The following BRD4 variants were observed in gnomAD, a reference collection of about 807,000 sequenced individuals.
BRD4 encodes bromodomain-containing protein 4.
A neutral mutation model predicts 142.1 loss-of-function variants in BRD4; 16 were observed. The ratio of observed to expected loss-of-function variants is 0.11; its 90% confidence interval spans 0.08 to 0.17. The LOEUF (loss-of-function observed/expected upper bound fraction) is 0.17, where lower values mean the gene tolerates loss of function less well. BRD4 is among the 10% of genes least tolerant of loss of function. The probability of loss-of-function intolerance (pLI) is 1.00; values close to 1 mark genes in which losing one functional copy is unlikely to be tolerated. For missense variants in BRD4, 1,424 were observed against 1,810.9 expected, an observed-to-expected ratio of 0.79 and a Z score of 3.88; for synonymous variants, 833 against 707.5, an observed-to-expected ratio of 1.18 and a Z score of -2.82.
intron 1 of BRD4, among the ~76,000 whole-genome samples, chr19:15,330,628 G>C (rs747283307): frequency 6.6e-6 from 1 of 152,080 alleles, no homozygotes; most frequent in South Asian, 2.1e-4. Context: ...TTAGCTAGAT[G>C]TGGTGGCGGG....
Position 15,243,286 on chromosome 19 carries a change from A to G in BRD4, c.2783T>C (p.Met928Thr). The part of the protein sequence containing the change: ...PPAPPLTSMQ[M>T]QLYLQQLQKV... ...CTGCAGCTGCTGCAGGTACAGCTGC[A>G]TCTGCATGGAGGTGAGGGGTGGGGC... The change falls in exon 14 of 20, where the codon ATG becomes ACG. Residue 928 changes from methionine (M) to threonine (T), a missense_variant. Physicochemically the swap from Met to Thr is moderately conservative, Grantham distance 81 (BLOSUM62 -1). Transcript: ENST00000679869. The G allele has an allele frequency of 7.3e-7, 1 of 1,362,904 alleles. No individual in the cohort carries two copies. The allele number at this position is 1,362,904 out of a possible 1,614,324, so 84.4% of individuals were successfully genotyped here.
intron 1 of BRD4, among the ~76,000 whole-genome samples, chr19:15,276,069 C>T (rs1215498091): frequency 1.3e-5 from 2 of 152,180 alleles, no homozygotes; most frequent in Non-Finnish European, 2.9e-5. Context: ...ATACCTGGGA[C>T]TCCTGCACCC....
chr19:15,245,739 C>T (rs1275833629), intron 11 of BRD4, among the ~76,000 whole-genome samples: 6 of 152,210 alleles, frequency 3.9e-5, no homozygotes, highest in Non-Finnish European at 8.8e-5. Context: ...AGGTCACAGT[C>T]GCCTGCCACC....
In BRD4 at chr19:15,255,331, G is replaced by A; in HGVS notation, c.2013C>T (p.Val671=). Residue 671 remains valine (V), a synonymous_variant, in exon 10 of 20, where the codon GTC becomes GTT. Transcript: ENST00000679869. ...TCCTTTTCTTCCGCAAACAGGAGGT[G>A]ACATAGCGCTCCAGCTCACGCAGTG... ...PSTLRELERY[V]TSCLRKKRKP... 6.2e-7 allele frequency: 1 copy of A among 1,614,004 alleles called. No individual in the cohort carries two copies. Among genetic ancestry groups the A allele is most frequent in the South Asian group, 1.1e-5 (1 of 91,072 alleles).
chr19:15,239,640 G>C lies in BRD4; in HGVS notation c.3445+19C>G. On this transcript the variant is annotated intron_variant, in intron 16 of 19. Transcript: ENST00000679869. This position sits in a 1 kb window ranked among gnomAD's most constrained non-coding sequence, Gnocchi z 7.4. ...CTCGGGGGGCCTGAGCCCTGGCTGT[G>C]GGCAGGGAGAGCACTCACGCTGGGG... is the stretch of plus-strand genomic sequence containing the variant. The C allele has an allele frequency of 6.4e-7, 1 of 1,565,904 alleles. No individual in the cohort carries two copies. The highest frequency in any genetic ancestry group is 8.6e-7 in the Non-Finnish European group (1 of 1,164,938).
chr19:15,301,874 A>G (rs1477783407), intron 1 of BRD4, among the ~76,000 whole-genome samples: 3 of 144,326 alleles, frequency 2.1e-5, no homozygotes, highest in African/African-American at 2.5e-5. Flanking sequence ...AGAAAAAAAA[A>G]AAAAAAAAAA....
chr19:15,242,104 G>A (rs1421106372), intron 14 of BRD4, among the ~76,000 whole-genome samples: 1 of 152,190 alleles, frequency 6.6e-6, no homozygotes, highest in East Asian at 1.9e-4. Context: ...GTGAGCCACC[G>A]CGCCCGGCCT....
rs772582937 is a variant in BRD4, at chr19:15,239,052, C to T, written c.3782+7G>A. The T allele has an allele frequency of 1.0e-5, 16 of 1,585,268 alleles. No individual in the cohort carries two copies. Among genetic ancestry groups the T allele is most frequent in the African/African-American group, 8.1e-5 (6 of 74,474 alleles). On this transcript the variant is annotated splice_region_variant and intron_variant, in intron 18 of 19. Coordinates refer to ENST00000679869, the MANE Select transcript of BRD4 (RefSeq NM_001379291.1). This position sits in a 1 kb window ranked among gnomAD's most constrained non-coding sequence, Gnocchi z 7.4. ...AGTCCCCATGCCCCACCCAGACACCCGCCCACCTCATGCGCTCCTGCCGCA... is the reference window on the plus strand; with the variant it reads ...AGTCCCCATGCCCCACCCAGACACCTGCCCACCTCATGCGCTCCTGCCGCA...
chr19:15,254,337 C>A, intron 10 of BRD4, 75 bp from the exon 11 acceptor site: 1 of 1,264,186 alleles, frequency 7.9e-7, no homozygotes, highest in Non-Finnish European at 1.1e-6. Context: ...GGGCACACCC[C>A]ATCCATCTGG....
intron 8 of BRD4, 134 bp downstream of exon 8, chr19:15,256,830 A>G: frequency 1.4e-6 from 1 of 740,482 alleles, no homozygotes; most frequent in Non-Finnish European, 2.1e-6. Context: ...AAAGGGGAAA[A>G]GGCCACAGGT....
At chr19:15,281,125 A>G (rs2047700444) in intron 1 of BRD4, among the ~76,000 whole-genome samples, 2 of 152,234 alleles carry the variant, frequency 1.3e-5, no homozygotes, top group South Asian at 2.1e-4. Context: ...TCGTGTCATC[A>G]GCCAGACTGC....
At chr19:15,330,723 C>T (rs2048149615) in intron 1 of BRD4, among the ~76,000 whole-genome samples, 1 of 152,104 alleles carries the variant, frequency 6.6e-6, no homozygotes, top group African/African-American at 2.4e-5. Flanking sequence ...GCCGAGATCG[C>T]GCCACTGCAC....
chr19:15,254,098 C>G (rs2047379820), intron 11 of BRD4, 54 bp downstream of exon 11: 1 of 1,479,416 alleles, frequency 6.8e-7, no homozygotes, highest in Non-Finnish European at 9.4e-7. Context: ...CGAGCTAGTG[C>G]CAGGCACAGG....
intron 4 of BRD4, among the ~76,000 whole-genome samples, chr19:15,266,839 AG>A (rs2047539710): frequency 6.6e-6 from 1 of 152,120 alleles, no homozygotes; most frequent in Non-Finnish European, 1.5e-5. Context: ...GCTGCTGGAG[AG>A]TTTCCTAGAC....
chr19:15,313,717 T>G (rs565109863), intron 1 of BRD4, among the ~76,000 whole-genome samples: 1 of 152,292 alleles, frequency 6.6e-6, no homozygotes, highest in African/African-American at 2.4e-5. Context: ...AACTGTTTAA[T>G]GTATTAATAT....
chr19:15,278,543 CAAAA>C (rs1235423521), intron 1 of BRD4, among the ~76,000 whole-genome samples: 1 of 74,876 alleles, frequency 1.3e-5, no homozygotes, highest in Admixed American at 1.8e-4. Flanking sequence ...CAACCCCCGC[CAAAA>C]AAAAAAAAAA....
chr19:15,241,368 C>T (rs568547144), intron 14 of BRD4, among the ~76,000 whole-genome samples: 2 of 152,252 alleles, frequency 1.3e-5, no homozygotes, highest in South Asian at 2.1e-4. Flanking sequence ...ATAGAAACCA[C>T]CTGCCTGCTG....
chr19:15,263,091 C>A (rs2047491620), intron 7 of BRD4, among the ~76,000 whole-genome samples: 1 of 152,150 alleles, frequency 6.6e-6, no homozygotes, highest in Admixed American at 6.5e-5. Context: ...GACTTCTCGG[C>A]AAGAGTGCCC....
intron 7 of BRD4, among the ~76,000 whole-genome samples, chr19:15,260,391 G>C (rs954849339): frequency 2.0e-5 from 3 of 152,200 alleles, no homozygotes; most frequent in African/African-American, 7.2e-5. Context: ...TGGAGAATTT[G>C]CTCTCTACCT....
Sources: gnomAD v4.1 joint callset for allele counts (sites outside exome capture counted in the v4.1 genomes callset) on GRCh38, gnomAD v4.1.1 for gene constraint, Gnocchi (gnomAD v3.1) non-coding constraint, MANE v1.5 for transcripts, NCBI Gene and HGNC (gene_info 2026-07-23, HGNC 2026-07-21) for gene names.